Variants in PCDHA2 observed in about 807,000 individuals in gnomAD.
PCDHA2 encodes protocadherin alpha 2.
In PCDHA2, 58 loss-of-function variants were observed where a neutral mutation model predicts 66.0. The ratio of observed to expected loss-of-function variants is 0.88; its 90% CI spans 0.71 to 1.09. The LOEUF (loss-of-function observed/expected upper bound fraction) is 1.09. Ranked by LOEUF, PCDHA2 falls within the 50% of genes least tolerant of loss-of-function variation. The pLI is 0.00. For missense variants in PCDHA2, 1,267 were observed against 1,242.3 expected (o/e 1.02, Z -0.30); for synonymous variants, 634 against 554.0 (o/e 1.14, Z -2.03).
intron 1 of PCDHA2, among the ~76,000 whole-genome samples, chr5:140,906,294 T>C (rs1554192469): frequency 1.3e-5 from 2 of 152,278 alleles, no homozygotes; most frequent in East Asian, 3.9e-4. Flanking sequence ...AAGACAATAA[T>C]AAGGTCATAA....
Position 140,796,185 on chromosome 5 carries a change from G to T in PCDHA2, c.1221G>T (p.Leu407Phe). 1 of 1,614,218 alleles carries T rather than the reference G, an allele frequency of 6.2e-7. No homozygotes were observed. Among genetic ancestry groups the T allele is most frequent in the Non-Finnish European group, 8.5e-7 (1 of 1,180,044 alleles). The change falls in exon 1 of 4, where the codon TTG (leucine) becomes TTT (phenylalanine). Residue 407 changes from leucine (L) to phenylalanine (F), a missense_variant. Leu to Phe is a conservative substitution (Grantham distance 22). Transcript: ENST00000526136. ...LVSTFKNYYS[L>F]VLDSALDRES... ...CCACCTTCAAGAATTACTACTCGTT[G>T]GTGCTGGACAGCGCCCTGGACCGCG...
rs782645226 is a variant in PCDHA2, at chr5:140,797,162, C to T, written c.2198C>T (p.Ala733Val). ...CSVPPTEGARAPGKPTLVCSS... is the reference protein window; with the variant it reads ...CSVPPTEGARVPGKPTLVCSS... ...GTGCCACCCACCGAGGGTGCGCGCGCGCCAGGAAAGCCCACGCTGGTGTGC... is the reference window on the plus strand; with the variant it reads ...GTGCCACCCACCGAGGGTGCGCGCGTGCCAGGAAAGCCCACGCTGGTGTGC... The change falls in exon 1 of 4, where the codon GCG becomes GTG. Residue 733 changes from alanine (A) to valine (V), a missense_variant. Ala to Val is a moderately conservative substitution (Grantham distance 64, BLOSUM62 0). Transcript: ENST00000526136. 1.9e-6 allele frequency: 3 copies of T among 1,613,896 alleles called. No homozygotes were observed. Among genetic ancestry groups the T allele is most frequent in the Non-Finnish European group, 1.7e-6 (2 of 1,180,006 alleles).
chr5:140,965,305 A>G (rs2095888625), intron 1 of PCDHA2, among the ~76,000 whole-genome samples: 2 of 152,136 alleles, frequency 1.3e-5, no homozygotes, highest in African/African-American at 4.8e-5. Context: ...TGATCCTTCT[A>G]CCTTCTCTTT....
At chr5:140,801,227 A>T (rs781843722) in intron 1 of PCDHA2, 8 of 1,610,900 alleles carry the variant, frequency 5.0e-6, no homozygotes, top group Non-Finnish European at 6.8e-6. Context: ...AAGATCCTGG[A>T]GCCCAGTGCC....
intron 1 of PCDHA2, among the ~76,000 whole-genome samples, chr5:140,890,662 C>T (rs75284753): frequency 0.011 from 1,622 of 152,252 alleles, 17 homozygotes; most frequent in African/African-American, 0.028. Flanking sequence ...CAAAAGTTAA[C>T]TGAAACCCTT....
intron 1 of PCDHA2, chr5:140,930,304 A>G (rs1554207720): frequency 6.6e-6 from 1 of 152,236 alleles, no homozygotes. Flanking sequence ...ATAAGTAAAT[A>G]TCATATTTGA....
chr5:140,965,326 A>T (rs184855153), intron 1 of PCDHA2, among the ~76,000 whole-genome samples: 1 of 152,298 alleles, frequency 6.6e-6, no homozygotes, highest in African/African-American at 2.4e-5. Context: ...TACTGAAGTG[A>T]ATTTGTTGTC....
At chr5:140,827,578 T>C (rs1769338145) in intron 1 of PCDHA2, among the ~76,000 whole-genome samples, 1 of 152,224 alleles carries the variant, frequency 6.6e-6, no homozygotes, top group African/African-American at 2.4e-5. Context: ...TATAATAGCA[T>C]GTCCTAGGAA....
chr5:140,931,147 A>G (rs1469532498), intron 1 of PCDHA2, among the ~76,000 whole-genome samples: 1 of 152,206 alleles, frequency 6.6e-6, no homozygotes, highest in Non-Finnish European at 1.5e-5. Context: ...AGTGGATACT[A>G]TTTAATAGAA....
chr5:140,835,847 G>A (rs140727991), intron 1 of PCDHA2: 20 of 1,612,228 alleles, frequency 1.2e-5, no homozygotes, highest in Non-Finnish European at 1.7e-5. Flanking sequence ...AGAAGAACGC[G>A]CTGGTGTCCT....
At chr5:140,941,219 C>CTTTCTTTCTT (rs1563186292) in intron 1 of PCDHA2, among the ~76,000 whole-genome samples, 18 of 125,974 alleles carry the variant, frequency 1.4e-4, no homozygotes, top group African/African-American at 4.5e-4. Context: ...TTCTTCCTTT[C>CTTTCTTTCTT]TTTCTTTCTT....
intron 1 of PCDHA2, chr5:140,817,315 G>A (rs1016861865): frequency 6.6e-6 from 1 of 152,230 alleles, no homozygotes; most frequent in East Asian, 1.9e-4. Flanking sequence ...CCCCAGAAAA[G>A]TGCCCAGCTA....
chr5:140,914,504 T>A (rs1554196424), intron 1 of PCDHA2, among the ~76,000 whole-genome samples: 1 of 152,202 alleles, frequency 6.6e-6, no homozygotes, highest in Non-Finnish European at 1.5e-5. Flanking sequence ...AACAGATCAT[T>A]GGGTCATGTT....
At chr5:140,883,485 CATT>C in intron 1 of PCDHA2, 1 of 1,614,190 alleles carries the variant, frequency 6.2e-7, no homozygotes. Flanking sequence ...AACTACTACT[CATT>C]AGTGCTGGAC....
chr5:140,876,466 G>C, intron 1 of PCDHA2: 1 of 1,614,018 alleles, frequency 6.2e-7, no homozygotes, highest in Non-Finnish European at 8.5e-7. Flanking sequence ...TTCCATGGCA[G>C]GTCACAGCAT....
At chr5:140,899,841 T>C (rs2067584927) in intron 1 of PCDHA2, among the ~76,000 whole-genome samples, 1 of 152,208 alleles carries the variant, frequency 6.6e-6, no homozygotes, top group Non-Finnish European at 1.5e-5. Flanking sequence ...CAGGTCTTGC[T>C]GTGTCACCCA....
At chr5:140,989,644 T>C (rs1284720942) in intron 3 of PCDHA2, among the ~76,000 whole-genome samples, 3 of 152,232 alleles carry the variant, frequency 2.0e-5, no homozygotes, top group Non-Finnish European at 4.4e-5. Flanking sequence ...GGGTCTTTCA[T>C]GGCAATATTT....
At chr5:140,939,537 C>T (rs2092406859) in intron 1 of PCDHA2, among the ~76,000 whole-genome samples, 1 of 150,686 alleles carries the variant, frequency 6.6e-6, no homozygotes, top group Non-Finnish European at 1.5e-5. Context: ...TATACAGAGC[C>T]TCTATTTCTT....
At chr5:140,997,129 C>T (rs983112049) in intron 3 of PCDHA2, among the ~76,000 whole-genome samples, 1 of 152,094 alleles carries the variant, frequency 6.6e-6, no homozygotes, top group Non-Finnish European at 1.5e-5. Flanking sequence ...ATACACAATG[C>T]CCCCACACCC....
Sources: gnomAD v4.1 joint callset for allele counts (sites outside exome capture counted in the v4.1 genomes callset) on GRCh38, gnomAD v4.1.1 for gene constraint, MANE v1.5 for transcripts, NCBI Gene and HGNC (gene_info 2026-07-23, HGNC 2026-07-21) for gene names.